MDGA2: variants seen among roughly 807,000 people sequenced by gnomAD.
MDGA2 encodes the protein MAM domain containing glycosylphosphatidylinositol anchor 2.
Under a neutral mutation model 117.8 loss-of-function variants are expected in MDGA2, and 40 were observed. The observed-to-expected ratio is 0.34, with a 90% confidence interval of 0.26 to 0.44. MDGA2 has a LOEUF of 0.44. MDGA2 is among the 20% of genes least tolerant of loss of function. MDGA2 has a pLI of 1.00. For synonymous variants in MDGA2, 452 were observed against 439.0 expected (o/e 1.03, Z -0.37); for missense variants, 1,123 against 1,250.6 (o/e 0.90, Z 1.54).
At chr14:47,039,125 A>AT (rs1411980723) in intron 7 of MDGA2, among the ~76,000 whole-genome samples, 1 of 151,974 alleles carries the variant, frequency 6.6e-6, no homozygotes. Context: ...TGTTCTTATA[A>AT]TTTTTTCTGT....
chr14:47,252,674 G>T (rs1887485920), intron 2 of MDGA2, among the ~76,000 whole-genome samples: 1 of 152,146 alleles, frequency 6.6e-6, no homozygotes, highest in African/African-American at 2.4e-5. Context: ...TGAATTCAAA[G>T]CTTGACAGAT....
chr14:47,675,262 G>C lies in MDGA2; in HGVS notation c.-466C>G, dbSNP rs1898161628. ...TTCCCCCATTCCATCAGTTGCCATTGCAACGCCAATCCTGTTACACGATAC... is the reference window on the plus strand; with the variant it reads ...TTCCCCCATTCCATCAGTTGCCATTCCAACGCCAATCCTGTTACACGATAC... On this transcript the variant is annotated 5_prime_UTR_variant, in exon 1 of 17. Coordinates refer to ENST00000399232, the MANE Select transcript of MDGA2 (RefSeq NM_001113498.3). Among the ~76,000 whole-genome samples, 1 of 150,860 alleles carries C rather than the reference G, an allele frequency of 6.6e-6. No individual in the cohort carries two copies. Among genetic ancestry groups the C allele is most frequent in the Admixed American group, 6.6e-5 (1 of 15,178 alleles).
intron 2 of MDGA2, among the ~76,000 whole-genome samples, chr14:47,272,771 C>T (rs1054176940): frequency 6.6e-6 from 1 of 152,122 alleles, no homozygotes; most frequent in Non-Finnish European, 1.5e-5. Flanking sequence ...TTCATCACAC[C>T]AGTGTGTTTT....
chr14:47,303,468 C>T (rs923543106), intron 1 of MDGA2, among the ~76,000 whole-genome samples: 1 of 152,056 alleles, frequency 6.6e-6, no homozygotes, highest in African/African-American at 2.4e-5. Context: ...AAATCCTTAT[C>T]TTTGGTGTTT....
rs534067520 is a variant in MDGA2 at position 47,200,518 on chromosome 14, T to C, written c.595+17503A>G. The C allele has an allele frequency of 1.1e-5, 7 of 613,672 alleles. No individual in the cohort carries two copies. In the South Asian group the frequency reaches 2.1e-4, roughly 18 times the overall value. The allele number at this position is 613,672 out of a possible 1,614,324, so 38.0% of individuals were successfully genotyped here. On this transcript the variant is annotated intron_variant, in intron 3 of 16. Transcript: ENST00000399232. ...TTCCCTTTTTCTATTTTTCTTTTCT[T>C]TTTTCTTTTTCTTTTCTTTTTTTTT...
intron 1 of MDGA2, among the ~76,000 whole-genome samples, chr14:47,373,263 T>A (rs986394131): frequency 2.0e-5 from 3 of 152,006 alleles, no homozygotes; most frequent in African/African-American, 7.2e-5. Flanking sequence ...ACAATTAAGA[T>A]CAGTAAAGGA....
chr14:47,529,936 C>A (rs760989197), intron 1 of MDGA2, among the ~76,000 whole-genome samples: 9 of 152,180 alleles, frequency 5.9e-5, no homozygotes, highest in Admixed American at 5.9e-4. Flanking sequence ...ACTACTGCTA[C>A]GGAATAAAAG....
chr14:47,199,680 T>C lies in MDGA2; in HGVS notation c.595+18341A>G, dbSNP rs149258651. ...ATACATTATGTGGAATAAATATTAATAATAAACAGACAGGTATTTGTTACA... is the reference window on the plus strand; with the variant it reads ...ATACATTATGTGGAATAAATATTAACAATAAACAGACAGGTATTTGTTACA... On this transcript the variant is annotated intron_variant, in intron 3 of 16. Coordinates refer to ENST00000399232, the MANE Select transcript of MDGA2 (RefSeq NM_001113498.3). Among the ~76,000 whole-genome samples, 398 of 152,220 alleles carry C rather than the reference T, an allele frequency of 2.6e-3. 3 individuals are homozygous for C. The highest frequency in any genetic ancestry group is 9.0e-3 in the African/African-American group (374 of 41,550).
chr14:47,464,924 A>G (rs1395108645), intron 1 of MDGA2, among the ~76,000 whole-genome samples: 1 of 152,186 alleles, frequency 6.6e-6, no homozygotes, highest in Non-Finnish European at 1.5e-5. Flanking sequence ...AGAGAGCCAG[A>G]GTCATCACAT....
chr14:47,332,197 A>G (rs1187543733), intron 1 of MDGA2, among the ~76,000 whole-genome samples: 1 of 152,006 alleles, frequency 6.6e-6, no homozygotes, highest in African/African-American at 2.4e-5. Flanking sequence ...TCATTGTCTC[A>G]GCTTTCTCAG....
At chr14:47,135,882 T>C (rs1389616214) in intron 4 of MDGA2, among the ~76,000 whole-genome samples, 2 of 152,148 alleles carry the variant, frequency 1.3e-5, no homozygotes, top group Non-Finnish European at 2.9e-5. Context: ...TGATGTGTCC[T>C]TCAAAAAATA....
At chr14:46,972,127 G>A (rs1267177002) in intron 8 of MDGA2, among the ~76,000 whole-genome samples, 1 of 152,038 alleles carries the variant, frequency 6.6e-6, no homozygotes, top group Non-Finnish European at 1.5e-5. Context: ...ATTTGTAACT[G>A]GCATTTGAAA....
At chr14:47,376,492 T>C (rs1487683655) in intron 1 of MDGA2, among the ~76,000 whole-genome samples, 4 of 152,176 alleles carry the variant, frequency 2.6e-5, no homozygotes, top group African/African-American at 9.7e-5. Context: ...CATAAATTTC[T>C]ACAAGCATAA....
At chr14:47,285,333 TTTTTTTCC>T (rs1308228098) in intron 2 of MDGA2, among the ~76,000 whole-genome samples, 1 of 150,676 alleles carries the variant, frequency 6.6e-6, no homozygotes, top group Non-Finnish European at 1.5e-5. Flanking sequence ...CTAAATTGAT[TTTTTTTCC>T]TTTTCTAACA....
At chr14:46,976,758 T>C (rs1886475837) in intron 8 of MDGA2, among the ~76,000 whole-genome samples, 1 of 151,966 alleles carries the variant, frequency 6.6e-6, no homozygotes, top group Admixed American at 6.6e-5. Flanking sequence ...ATACTTTTTT[T>C]CTCATATTTT....
intron 8 of MDGA2, among the ~76,000 whole-genome samples, chr14:47,012,375 T>G (rs1184159779): frequency 6.6e-6 from 1 of 152,150 alleles, no homozygotes; most frequent in Non-Finnish European, 1.5e-5. Context: ...ATTTAGTAAT[T>G]TTTTATTAAT....
At chr14:47,300,838 TC>T (rs1889254775) in intron 2 of MDGA2, among the ~76,000 whole-genome samples, 3 of 152,120 alleles carry the variant, frequency 2.0e-5, no homozygotes. Context: ...CCTTTAAAAG[TC>T]TCCATTTTTA....
chr14:47,052,183 TA>T (rs1474922453), intron 7 of MDGA2, among the ~76,000 whole-genome samples: 2 of 151,904 alleles, frequency 1.3e-5, no homozygotes, highest in Non-Finnish European at 2.9e-5. Context: ...TCCAGTCGTT[TA>T]AAATTCAAAT....
intron 6 of MDGA2, among the ~76,000 whole-genome samples, chr14:47,087,180 T>G (rs142497218): frequency 6.6e-6 from 1 of 152,198 alleles, no homozygotes; most frequent in African/African-American, 2.4e-5. Context: ...CTCCTGCATT[T>G]GTAATGGGCA....
Sources: gnomAD v4.1 joint callset for allele counts (sites outside exome capture counted in the v4.1 genomes callset) on GRCh38, gnomAD v4.1.1 for gene constraint, MANE v1.5 for transcripts, NCBI Gene and HGNC (gene_info 2026-07-23, HGNC 2026-07-21) for gene names.